The following ADARB2 variants were observed in gnomAD, a reference collection of about 807,000 sequenced individuals.
ADARB2 encodes the protein adenosine deaminase RNA specific B2 (inactive), also known as inactive double-stranded RNA-specific editase B2.
In ADARB2, 25 loss-of-function variants were observed where a neutral mutation model predicts 62.2. That is an observed-to-expected ratio of 0.40 (90% CI 0.29 to 0.56). The LOEUF is 0.56. Among genes scored for constraint, ADARB2 ranks in the 20% least tolerant of loss-of-function variants. The probability of loss-of-function intolerance (pLI) is 0.43; values close to 1 mark genes in which losing one functional copy is unlikely to be tolerated. For missense variants in ADARB2, 1,071 were observed against 1,077.4 expected, an observed-to-expected ratio of 0.99 and a Z score of 0.08; for synonymous variants, 572 against 500.8, an observed-to-expected ratio of 1.14 and a Z score of -1.90.
At chr10:1,315,544 G>A (rs1286954192) in intron 3 of ADARB2, among the ~76,000 whole-genome samples, 1 of 152,240 alleles carries the variant, frequency 6.6e-6, no homozygotes, top group Non-Finnish European at 1.5e-5. Context: ...AGGGATCAAA[G>A]GAAATGTCAT....
chr10:1,186,659 A>G (rs2131734562), intron 8 of ADARB2: 1 of 476,032 alleles, frequency 2.1e-6, no homozygotes, highest in Non-Finnish European at 4.2e-6. Context: ...GGGGCCCGTC[A>G]TGCATCACGT....
intron 4 of ADARB2, 143 bp downstream of exon 4, chr10:1,270,812 C>T (rs1395867954): frequency 1.4e-6 from 1 of 704,918 alleles, no homozygotes; most frequent in Non-Finnish European, 2.4e-6. Flanking sequence ...GGCCACTGAT[C>T]TCTGTATATG....
intron 1 of ADARB2, among the ~76,000 whole-genome samples, chr10:1,715,554 G>A (rs1387811541): frequency 2.0e-5 from 3 of 152,158 alleles, no homozygotes; most frequent in African/African-American, 7.2e-5. Flanking sequence ...CAGAAACCCA[G>A]CCAGTGGTTC....
chr10:1,526,166 T>C, intron 1 of ADARB2, among the ~76,000 whole-genome samples: 1 of 149,608 alleles, frequency 6.7e-6, no homozygotes, highest in East Asian at 2.0e-4. Context: ...CGGCTGCTCC[T>C]GGGATTTGGA....
chr10:1,620,569 C>A (rs929345033), intron 1 of ADARB2, among the ~76,000 whole-genome samples: 2 of 152,314 alleles, frequency 1.3e-5, no homozygotes, highest in African/African-American at 4.8e-5. Flanking sequence ...TACTAACAAT[C>A]TTTTACAAAC....
At chr10:1,483,376 A>G (rs1195894709) in intron 1 of ADARB2, among the ~76,000 whole-genome samples, 1 of 152,234 alleles carries the variant, frequency 6.6e-6, no homozygotes, top group African/African-American at 2.4e-5. Flanking sequence ...ACACTGTTCT[A>G]ACGGTGTAAG....
At chr10:1,268,073 A>G (rs775418325) in intron 4 of ADARB2, among the ~76,000 whole-genome samples, 9 of 152,248 alleles carry the variant, frequency 5.9e-5, no homozygotes, top group Non-Finnish European at 1.0e-4. Context: ...ATTTGATGCA[A>G]TAAGAAATAA....
intron 1 of ADARB2, among the ~76,000 whole-genome samples, chr10:1,733,187 T>G (rs1835255338): frequency 1.3e-5 from 2 of 152,216 alleles, no homozygotes; most frequent in Admixed American, 1.3e-4. Flanking sequence ...CTGTGAAGAT[T>G]GACACGCCGC....
chr10:1,362,920 CCTCT>C, intron 3 of ADARB2, 104 bp downstream of exon 3: 1 of 1,066,434 alleles, frequency 9.4e-7, no homozygotes, highest in Non-Finnish European at 1.2e-6. Flanking sequence ...CTCCACGCGG[CCTCT>C]CCTTCTCCGA....
At chr10:1,481,792 G>C (rs958112062) in intron 1 of ADARB2, among the ~76,000 whole-genome samples, 2 of 148,752 alleles carry the variant, frequency 1.3e-5, no homozygotes, top group Admixed American at 6.8e-5. Context: ...AGGAGGTGAA[G>C]TTTGCAGTGA....
chr10:1,478,478 A>C (rs1831428982), intron 1 of ADARB2, among the ~76,000 whole-genome samples: 1 of 152,210 alleles, frequency 6.6e-6, no homozygotes, highest in Non-Finnish European at 1.5e-5. Context: ...CTAAATCTAG[A>C]CACAGACATT....
At chr10:1,625,014 G>T (rs935395364) in intron 1 of ADARB2, among the ~76,000 whole-genome samples, 9 of 152,104 alleles carry the variant, frequency 5.9e-5, no homozygotes, top group East Asian at 1.9e-4. Context: ...TCTAACACAG[G>T]TTTCTCCTAC....
chr10:1,389,748 AAAATAAATAAATAAATAAAT>A (rs141695100), intron 1 of ADARB2, among the ~76,000 whole-genome samples: 1 of 146,400 alleles, frequency 6.8e-6, no homozygotes, highest in Non-Finnish European at 1.5e-5. Context: ...CTCTGACTCA[AAAATAAATAAATAAATAAAT>A]AAATAAATAA....
At chr10:1,322,360 G>C (rs11250413) in intron 3 of ADARB2, among the ~76,000 whole-genome samples, 3,196 of 152,280 alleles carry the variant, frequency 0.021, 129 homozygotes, top group African/African-American at 0.072. Flanking sequence ...ATGCTGCTCT[G>C]ACCTTCTGTC....
At chr10:1,371,155 C>G (rs528433824) in intron 2 of ADARB2, among the ~76,000 whole-genome samples, 4 of 152,326 alleles carry the variant, frequency 2.6e-5, no homozygotes, top group African/African-American at 9.6e-5. Flanking sequence ...CTCCAGCCAT[C>G]TGGTCCTCAA....
intron 6 of ADARB2, among the ~76,000 whole-genome samples, chr10:1,220,439 A>G (rs1830684519): frequency 6.6e-6 from 1 of 151,452 alleles, no homozygotes; most frequent in Non-Finnish European, 1.5e-5. Flanking sequence ...GATGGTGGTG[A>G]TGATAAATTG....
chr10:1,260,282 G>C (rs1006706617), intron 4 of ADARB2, among the ~76,000 whole-genome samples: 7 of 152,316 alleles, frequency 4.6e-5, no homozygotes, highest in African/African-American at 1.7e-4. Context: ...ATTCAACATA[G>C]TGTTGGAAGT....
At chr10:1,508,659 T>C (rs550091352) in intron 1 of ADARB2, among the ~76,000 whole-genome samples, 1 of 152,258 alleles carries the variant, frequency 6.6e-6, no homozygotes, top group East Asian at 1.9e-4. Context: ...GGCACCTGTA[T>C]TTCCAGCTAC....
chr10:1,674,593 C>G lies in ADARB2; in HGVS notation c.100+62458G>C, dbSNP rs576000778. ...AAAACCTCAAGTTACTCCTGTCAAG[C>G]CCTTTGGTTGTGTTGCGGTTGGGAG... On this transcript the variant is annotated intron_variant, in intron 1 of 9. Coordinates refer to ENST00000381312, the MANE Select transcript of ADARB2 (RefSeq NM_018702.4). 2.0e-5 allele frequency among the ~76,000 whole-genome samples: 3 copies of G among 152,224 alleles called. No homozygotes were observed. The South Asian group carries it at 6.2e-4, about 32-fold the overall frequency.
Sources: allele counts gnomAD v4.1 joint callset (sites outside exome capture counted in the v4.1 genomes callset), GRCh38; gene constraint gnomAD v4.1.1; transcripts MANE v1.5; gene names NCBI Gene and HGNC (gene_info 2026-07-23, HGNC 2026-07-21).